CTNNA3: variants seen among roughly 807,000 people sequenced by gnomAD.
CTNNA3 encodes catenin alpha-3.
In CTNNA3, 76 loss-of-function variants were observed where a neutral mutation model predicts 95.7. The ratio of observed to expected loss-of-function variants is 0.79; its 90% CI spans 0.66 to 0.96. The LOEUF (loss-of-function observed/expected upper bound fraction) is 0.96, where lower values mean the gene tolerates loss of function less well. Ranked by LOEUF, CTNNA3 falls within the 40% of genes least tolerant of loss-of-function variation. The pLI is 0.00. For synonymous variants in CTNNA3, 431 were observed against 374.4 expected (o/e 1.15, Z -1.74); for missense variants, 1,191 against 1,089.8 (o/e 1.09, Z -1.31).
chr10:67,590,753 T>G, intron 3 of CTNNA3, among the ~76,000 whole-genome samples: 1 of 152,088 alleles, frequency 6.6e-6, no homozygotes, highest in Non-Finnish European at 1.5e-5. Flanking sequence ...TTTGTGAAGG[T>G]TCGCTATATG....
intron 12 of CTNNA3, among the ~76,000 whole-genome samples, chr10:66,311,029 C>A (rs767508736): frequency 5.3e-5 from 8 of 152,126 alleles, no homozygotes; most frequent in Non-Finnish European, 8.8e-5. Context: ...AGACTGTTGT[C>A]CTAAATGCAA....
chr10:67,138,476 A>ACTATCTAT (rs1404041287), intron 7 of CTNNA3, among the ~76,000 whole-genome samples: 3 of 152,216 alleles, frequency 2.0e-5, no homozygotes, highest in Non-Finnish European at 4.4e-5. Context: ...ACTTATCTAT[A>ACTATCTAT]CTGCTCTATC....
chr10:66,328,933 TACACACAC>T (rs767852399), intron 12 of CTNNA3, among the ~76,000 whole-genome samples: 6 of 115,346 alleles, frequency 5.2e-5, no homozygotes, highest in Non-Finnish European at 9.2e-5. Context: ...TATATATATA[TACACACAC>T]ACATATAAAT....
At chr10:67,354,143 G>A (rs1235635797) in intron 5 of CTNNA3, among the ~76,000 whole-genome samples, 2 of 151,960 alleles carry the variant, frequency 1.3e-5, no homozygotes, top group African/African-American at 4.8e-5. Flanking sequence ...TTGGATACCT[G>A]CTTTAAGAGC....
Position 66,839,557 on chromosome 10 carries a change from T to C in CTNNA3, c.1048-64033A>G, listed in dbSNP as rs1261891741. On this transcript the variant is annotated intron_variant, in intron 7 of 17. Transcript: ENST00000433211. ...AAAAATTTTTATCTGTTCTATCTAG[T>C]CTGGAATCCAAAATAGTACTTAATG... Among the ~76,000 whole-genome samples, 3 of 152,244 alleles carry C rather than the reference T, an allele frequency of 2.0e-5. No individual in the cohort carries two copies. The East Asian group carries it at 5.8e-4, about 29-fold the overall frequency.
At chr10:66,584,436 C>A (rs1325996072) in intron 10 of CTNNA3, among the ~76,000 whole-genome samples, 1 of 151,690 alleles carries the variant, frequency 6.6e-6, no homozygotes, top group Non-Finnish European at 1.5e-5. Flanking sequence ...ACATAATGAC[C>A]TTCTTTGTCC....
chr10:67,739,215 G>T (rs1273851227), intron 1 of CTNNA3, among the ~76,000 whole-genome samples: 2 of 152,178 alleles, frequency 1.3e-5, no homozygotes, highest in Non-Finnish European at 2.9e-5. Context: ...ACCCACAAAG[G>T]GAAGCCCATC....
chr10:67,065,822 A>T (rs891307265), intron 7 of CTNNA3, among the ~76,000 whole-genome samples: 2 of 152,160 alleles, frequency 1.3e-5, no homozygotes, highest in African/African-American at 4.8e-5. Flanking sequence ...AGTTATGCTA[A>T]ACCAGTGAGA....
intron 7 of CTNNA3, among the ~76,000 whole-genome samples, chr10:66,862,261 A>T (rs1364057637): frequency 6.6e-6 from 1 of 152,120 alleles, no homozygotes; most frequent in Non-Finnish European, 1.5e-5. Context: ...TGTGACCAGA[A>T]ATATGCTTAA....
intron 4 of CTNNA3, among the ~76,000 whole-genome samples, chr10:67,522,259 A>G (rs1490179977): frequency 6.6e-6 from 1 of 152,238 alleles, no homozygotes; most frequent in Non-Finnish European, 1.5e-5. Flanking sequence ...CTTTTAGGAT[A>G]TACTTCTGCT....
intron 5 of CTNNA3, among the ~76,000 whole-genome samples, chr10:67,350,254 G>T (rs762174193): frequency 1.3e-4 from 20 of 152,054 alleles, no homozygotes; most frequent in South Asian, 4.1e-4. Context: ...CCATACCATG[G>T]TTGTGAGAGA....
chr10:66,807,862 T>C (rs1262151629), intron 7 of CTNNA3, among the ~76,000 whole-genome samples: 1 of 152,128 alleles, frequency 6.6e-6, no homozygotes, highest in Non-Finnish European at 1.5e-5. Context: ...GCTATATAAC[T>C]TCTTTAATCC....
At chr10:66,548,483 T>C (rs1007881119) in intron 10 of CTNNA3, among the ~76,000 whole-genome samples, 3 of 152,140 alleles carry the variant, frequency 2.0e-5, no homozygotes, top group African/African-American at 7.2e-5. Flanking sequence ...AAAAGTGTGA[T>C]TGTAAACATC....
intron 2 of CTNNA3, among the ~76,000 whole-genome samples, chr10:67,641,598 G>A (rs1839535096): frequency 2.0e-5 from 3 of 152,138 alleles, no homozygotes; most frequent in South Asian, 4.1e-4. Context: ...CAAAGACTTG[G>A]AACCAACCCA....
intron 5 of CTNNA3, among the ~76,000 whole-genome samples, chr10:67,507,960 T>C (rs1239880177): frequency 6.6e-6 from 1 of 152,226 alleles, no homozygotes; most frequent in Non-Finnish European, 1.5e-5. Flanking sequence ...CATGCTTTCA[T>C]GATAAAAACC....
chr10:66,121,073 G>C (rs192951563), intron 13 of CTNNA3, among the ~76,000 whole-genome samples: 56 of 152,264 alleles, frequency 3.7e-4, no homozygotes, highest in African/African-American at 1.3e-3. Flanking sequence ...ATGAAATGGA[G>C]ATGTAATGCA....
chr10:66,339,972 T>C (rs1433199317), intron 12 of CTNNA3, among the ~76,000 whole-genome samples: 1 of 151,764 alleles, frequency 6.6e-6, no homozygotes, highest in Non-Finnish European at 1.5e-5. Flanking sequence ...GGATGGAGCC[T>C]TGCAGACATC....
rs1670964853 is a variant in CTNNA3 at position 66,657,911 on chromosome 10, C to T, written c.1282-36127G>A. On this transcript the variant is annotated intron_variant, in intron 9 of 17. Transcript: ENST00000433211. ...GAAATCGAACATGGAAATATCACAG[C>T]TGAAATATTTACACTTAAGTCCTTG... Among the ~76,000 whole-genome samples, 4 of 152,214 alleles carry T rather than the reference C, an allele frequency of 2.6e-5. No homozygotes were observed. In the South Asian group the frequency reaches 8.3e-4, roughly 32 times the overall value.
chr10:66,209,570 G>T (rs1487588634), intron 13 of CTNNA3, among the ~76,000 whole-genome samples: 1 of 152,142 alleles, frequency 6.6e-6, no homozygotes, highest in African/African-American at 2.4e-5. Context: ...GAACAGTAAG[G>T]AAGGTCAATG....
Sources: gnomAD v4.1 joint callset for allele counts (sites outside exome capture counted in the v4.1 genomes callset) on GRCh38, gnomAD v4.1.1 for gene constraint, MANE v1.5 for transcripts, NCBI Gene and HGNC (gene_info 2026-07-23, HGNC 2026-07-21) for gene names.